The following PCSK5 variants were observed in gnomAD, a reference collection of about 807,000 sequenced individuals.
The protein encoded by PCSK5 is proprotein convertase subtilisin/kexin type 5.
Under a neutral mutation model 233.2 loss-of-function variants are expected in PCSK5, and 129 were observed. That is an observed-to-expected ratio of 0.55 (90% CI 0.48 to 0.64). PCSK5 has a LOEUF of 0.64. Among genes scored for constraint, PCSK5 ranks in the 30% least tolerant of loss-of-function variants. PCSK5 has a pLI of 0.00. For synonymous variants in PCSK5, 825 were observed against 879.2 expected, an observed-to-expected ratio of 0.94 and a Z score of 1.09; for missense variants, 2,076 against 2,430.1, an observed-to-expected ratio of 0.85 and a Z score of 3.06.
intron 20 of PCSK5, among the ~76,000 whole-genome samples, chr9:76,197,146 T>G (rs932660079): frequency 1.4e-4 from 21 of 152,226 alleles, no homozygotes; most frequent in African/African-American, 4.6e-4. Flanking sequence ...AAGTAAGATG[T>G]TCTCATGGTT....
intron 19 of PCSK5, 52 bp downstream of exon 19, chr9:76,189,275 T>A: frequency 6.6e-7 from 1 of 1,518,710 alleles, no homozygotes; most frequent in Non-Finnish European, 9.0e-7. Flanking sequence ...GTTCTTTTGA[T>A]GACTATCTTC....
Position 76,298,209 on chromosome 9 carries a change from G to A in PCSK5, c.3523+1344G>A, listed in dbSNP as rs75476604. 5.4e-3 allele frequency among the ~76,000 whole-genome samples: 816 copies of A among 152,092 alleles called. 4 individuals carry two copies. Among genetic ancestry groups the A allele is most frequent in the Middle Eastern group, 0.014 (4 of 294 alleles). On this transcript the variant is annotated intron_variant, in intron 27 of 37. Transcript: ENST00000674117. ...GGCTTGATTCCCCAAATGATTCCAC[G>A]TCCCTTCAACTGGACTACGCATTTT... is the stretch of plus-strand genomic sequence containing the variant.
At chr9:76,118,133 C>G (rs1350487324) in intron 9 of PCSK5, among the ~76,000 whole-genome samples, 4 of 151,880 alleles carry the variant, frequency 2.6e-5, no homozygotes, top group African/African-American at 9.7e-5. Flanking sequence ...TTTGGGATCC[C>G]ATACCTGGAA....
rs560911694 is a variant in PCSK5, at chr9:75,942,948, G to A, written c.297+10465G>A. ...CACCCACGCTGGAGAGCAGTGGCGC[G>A]ATCTTGGCTCACTGCAGCCTCTGCC... On this transcript the variant is annotated intron_variant, in intron 2 of 37. Coordinates refer to ENST00000674117, the MANE Select transcript of PCSK5 (RefSeq NM_001372043.1). Among the ~76,000 whole-genome samples the A allele has an allele frequency of 2.4e-4, 35 of 145,636 alleles. 1 individual carries two copies. Among genetic ancestry groups the A allele is most frequent in the Admixed American group, 6.4e-4 (9 of 14,142 alleles).
At chr9:76,348,494 A>T (rs958912430) in intron 35 of PCSK5, among the ~76,000 whole-genome samples, 63 of 152,156 alleles carry the variant, frequency 4.1e-4, no homozygotes, top group African/African-American at 1.5e-3. Flanking sequence ...AGGTAGGAGG[A>T]TCACCTGAGC....
chr9:76,283,911 G>T (rs10114834), intron 24 of PCSK5, among the ~76,000 whole-genome samples: 19,266 of 152,262 alleles, frequency 0.13, 1,594 homozygotes, highest in African/African-American at 0.24. Flanking sequence ...CTATAAAGAA[G>T]GGCTGGAAGC....
chr9:76,040,775 TGTA>T (rs1187469177), intron 5 of PCSK5, among the ~76,000 whole-genome samples: 2 of 152,326 alleles, frequency 1.3e-5, no homozygotes, highest in South Asian at 4.1e-4. Flanking sequence ...TGGAAACAAT[TGTA>T]GTTAATTTAT....
At chr9:76,354,364 G>A (rs937924101) in intron 37 of PCSK5, 145 bp downstream of exon 37, 2 of 624,092 alleles carry the variant, frequency 3.2e-6, no homozygotes, top group African/African-American at 3.7e-5. Flanking sequence ...TACTGTACTT[G>A]AAACTTCATG....
intron 3 of PCSK5, among the ~76,000 whole-genome samples, chr9:75,990,735 T>C (rs1826730923): frequency 6.6e-6 from 1 of 152,220 alleles, no homozygotes; most frequent in Admixed American, 6.5e-5. Context: ...ATCACGTGCA[T>C]ATATCTAGCC....
chr9:76,114,600 A>C (rs74454371), intron 9 of PCSK5, among the ~76,000 whole-genome samples: 2,318 of 152,246 alleles, frequency 0.015, 26 homozygotes, highest in Non-Finnish European at 0.023. Flanking sequence ...TGAGAAAACT[A>C]AGAAACATGT....
chr9:76,263,163 C>A (rs1416726035), intron 24 of PCSK5, among the ~76,000 whole-genome samples: 1 of 151,978 alleles, frequency 6.6e-6, no homozygotes. Flanking sequence ...AATAGGAACA[C>A]TTTTACACTG....
chr9:76,052,850 G>C (rs1829680809), intron 5 of PCSK5, among the ~76,000 whole-genome samples: 1 of 152,154 alleles, frequency 6.6e-6, no homozygotes, highest in South Asian at 2.1e-4. Context: ...AGATAGAATG[G>C]GGTACAGGCA....
chr9:75,951,800 C>T (rs889469442), intron 2 of PCSK5, among the ~76,000 whole-genome samples: 5 of 152,058 alleles, frequency 3.3e-5, no homozygotes, highest in Non-Finnish European at 5.9e-5. Context: ...CAACTATTTA[C>T]AGGGCATTTA....
intron 1 of PCSK5, among the ~76,000 whole-genome samples, chr9:75,930,920 A>G (rs1338721358): frequency 6.6e-6 from 1 of 152,184 alleles, no homozygotes; most frequent in Non-Finnish European, 1.5e-5. Context: ...TGGGGCTGGC[A>G]TCTGTGCCCT....
chr9:76,164,489 A>C (rs1823012922), intron 12 of PCSK5, among the ~76,000 whole-genome samples: 1 of 152,166 alleles, frequency 6.6e-6, no homozygotes, highest in South Asian at 2.1e-4. Flanking sequence ...ATAAGTGGTA[A>C]CTCTTATTTA....
chr9:76,213,352 A>C (rs571015603), intron 20 of PCSK5, among the ~76,000 whole-genome samples: 1 of 152,340 alleles, frequency 6.6e-6, no homozygotes, highest in East Asian at 1.9e-4. Flanking sequence ...TCATTCAAAC[A>C]CTGAGCAGTC....
rs190124372 is a variant in PCSK5 at position 75,906,251 on chromosome 9, A to T, written c.192+14878A>T. On this transcript the variant is annotated intron_variant, in intron 1 of 37. Coordinates refer to ENST00000674117, the MANE Select transcript of PCSK5 (RefSeq NM_001372043.1). ...GATACCTATTTTTTTTTTGAGACAG[A>T]GTCTCCCACTGTCGCCTAGGCTGGA... Among the ~76,000 whole-genome samples the T allele has an allele frequency of 4.6e-4, 70 of 152,018 alleles. 1 individual carries two copies. The East Asian group carries it at 0.012, about 27-fold the overall frequency.
At chr9:76,049,684 G>T (rs1342930653) in intron 5 of PCSK5, among the ~76,000 whole-genome samples, 7 of 152,146 alleles carry the variant, frequency 4.6e-5, no homozygotes. Context: ...GAATTTCATG[G>T]CCATTGTTTA....
intron 16 of PCSK5, among the ~76,000 whole-genome samples, chr9:76,182,491 T>C (rs946816495): frequency 2.8e-4 from 42 of 150,170 alleles, no homozygotes; most frequent in African/African-American, 7.6e-4. Flanking sequence ...AATTTAATAA[T>C]TTTCTACATG....
Sources: gnomAD v4.1 joint callset for allele counts (sites outside exome capture counted in the v4.1 genomes callset) on GRCh38, gnomAD v4.1.1 for gene constraint, MANE v1.5 for transcripts, NCBI Gene and HGNC (gene_info 2026-07-23, HGNC 2026-07-21) for gene names.